Variants in TMEM238L observed in about 807,000 individuals in gnomAD.
The protein encoded by TMEM238L is transmembrane protein 238 like.
At chr17:10,796,065 C>A (rs1258079756) in intron 1 of TMEM238L, 117 bp from the exon 2 acceptor site, 2 of 152,192 alleles carry the variant, frequency 1.3e-5, no homozygotes, top group African/African-American at 4.8e-5. Flanking sequence ...AGGTTTGAAT[C>A]CTAGAGCAGC....
intron 1 of TMEM238L, among the ~76,000 whole-genome samples, chr17:10,800,414 A>G (rs1386211340): frequency 1.3e-5 from 2 of 152,222 alleles, no homozygotes; most frequent in African/African-American, 2.4e-5. Context: ...TAAAGAATAC[A>G]ATAAAGAACA....
At chr17:10,803,746 G>T in exon 1 of TMEM238L, 1 of 399,664 alleles carries the variant, frequency 2.5e-6, no homozygotes, top group South Asian at 1.3e-4. Flanking sequence ...TTTTTCAGGA[G>T]ACACCTCAAT....
chr17:10,802,937 C>G (rs1414107312), intron 1 of TMEM238L, among the ~76,000 whole-genome samples: 1 of 152,172 alleles, frequency 6.6e-6, no homozygotes, highest in East Asian at 1.9e-4. Context: ...ACTGTCTTGA[C>G]TTCTGGGCCT....
chr17:10,803,571 G>A (rs1904811628), intron 1 of TMEM238L, 35 bp downstream of exon 1: 2 of 395,058 alleles, frequency 5.1e-6, no homozygotes, highest in Non-Finnish European at 8.9e-6. Flanking sequence ...AAGCCTCTCT[G>A]GCCACCCTGC....
At chr17:10,797,488 T>C (rs1904599637) in intron 1 of TMEM238L, among the ~76,000 whole-genome samples, 1 of 148,368 alleles carries the variant, frequency 6.7e-6, no homozygotes. Context: ...CACATGTCTC[T>C]AACCCCTAAC....
rs919620374 is a variant in TMEM238L at position 10,797,354 on chromosome 17, C to T, written c.*119-1406G>A. Among the ~76,000 whole-genome samples the T allele has an allele frequency of 4.8e-5, 7 of 146,818 alleles. No homozygotes were observed. In the South Asian group the frequency reaches 1.2e-3, roughly 24 times the overall value. ...GTTCTTTTCTCCTTTCTTCCTCCCC[C>T]CTTTCCTTCCCTCTCACCCTCCCTC... On this transcript the variant is annotated intron_variant, in intron 1 of 1. Coordinates refer to ENST00000581851, the Ensembl canonical transcript of TMEM238L.
At chr17:10,800,195 G>A (rs1904694981) in intron 1 of TMEM238L, among the ~76,000 whole-genome samples, 1 of 152,146 alleles carries the variant, frequency 6.6e-6, no homozygotes, top group East Asian at 1.9e-4. Context: ...GCCTCCCAAA[G>A]TGCTGGGATT....
intron 1 of TMEM238L, chr17:10,798,024 CA>C (rs1166224199): frequency 6.6e-6 from 1 of 152,220 alleles, no homozygotes; most frequent in African/African-American, 2.4e-5. Flanking sequence ...CTCCAACCCC[CA>C]GGCAAATGTG....
At chr17:10,803,847 G>T in exon 1 of TMEM238L, 1 of 399,438 alleles carries the variant, frequency 2.5e-6, no homozygotes, top group South Asian at 1.3e-4. Context: ...AACTCAGGGG[G>T]GCCAAGATCC....
At chr17:10,795,271 A>C (rs7211234) in exon 2 of TMEM238L, 1 of 152,064 alleles carries the variant, frequency 6.6e-6, no homozygotes, top group African/African-American at 2.4e-5. Flanking sequence ...AATGCACGGG[A>C]GATTTCAGTT....
intron 1 of TMEM238L, chr17:10,802,348 T>C (rs1444504538): frequency 6.6e-6 from 1 of 152,214 alleles, no homozygotes; most frequent in Non-Finnish European, 1.5e-5. Flanking sequence ...GCCTTATCTC[T>C]TTTCGATCCT....
At chr17:10,798,110 C>T (rs139822531) in intron 1 of TMEM238L, among the ~76,000 whole-genome samples, 1 of 151,964 alleles carries the variant, frequency 6.6e-6, no homozygotes, top group East Asian at 2.0e-4. Flanking sequence ...TGCCCCCTAC[C>T]CACCACCCAC....
chr17:10,798,569 G>A (rs1353500929), intron 1 of TMEM238L, among the ~76,000 whole-genome samples: 1 of 152,160 alleles, frequency 6.6e-6, no homozygotes, highest in Admixed American at 6.5e-5. Flanking sequence ...AAGGCTGTTA[G>A]CCTTTTGGCT....
rs1597577880 is a variant in TMEM238L at position 10,798,764 on chromosome 17, G to A, written c.*119-2816C>T. ...GCATGAACACGTGGAGTAGAAGAGG[G>A]ATGTGTGTGTACGTGTGTGGGGTGT... On this transcript the variant is annotated intron_variant, in intron 1 of 1. Coordinates refer to ENST00000581851, the Ensembl canonical transcript of TMEM238L. Among the ~76,000 whole-genome samples, 3 of 152,044 alleles carry A rather than the reference G, an allele frequency of 2.0e-5. No individual in the cohort carries two copies. The South Asian group carries it at 6.2e-4, about 32-fold the overall frequency.
At chr17:10,801,059 T>C (rs1904727515) in intron 1 of TMEM238L, among the ~76,000 whole-genome samples, 2 of 151,912 alleles carry the variant, frequency 1.3e-5, no homozygotes, top group Admixed American at 1.3e-4. Context: ...TACTGTTTTT[T>C]TTTTTTTTTG....
chr17:10,798,531 G>A (rs1904629416), intron 1 of TMEM238L, among the ~76,000 whole-genome samples: 1 of 152,162 alleles, frequency 6.6e-6, no homozygotes, highest in African/African-American at 2.4e-5. Flanking sequence ...AGTCGAAGTG[G>A]AGGAACAAGT....
intron 1 of TMEM238L, among the ~76,000 whole-genome samples, chr17:10,800,540 C>T (rs763132866): frequency 1.9e-4 from 29 of 152,308 alleles, no homozygotes; most frequent in South Asian, 8.3e-4. Context: ...TAGAACTGAT[C>T]GTAATGCGTC....
chr17:10,796,234 C>T (rs1272257985), intron 1 of TMEM238L, among the ~76,000 whole-genome samples: 1 of 152,188 alleles, frequency 6.6e-6, no homozygotes, highest in Non-Finnish European at 1.5e-5. Flanking sequence ...TCAAGATTCT[C>T]ATCAAATCTT....
intron 1 of TMEM238L, among the ~76,000 whole-genome samples, chr17:10,799,600 TGA>T (rs1287122850): frequency 1.1e-4 from 16 of 152,178 alleles, no homozygotes; most frequent in Admixed American, 2.6e-4. Flanking sequence ...GCTCTGAGAA[TGA>T]GAGAGCTGGC....
Sources: gnomAD v4.1 joint callset for allele counts (sites outside exome capture counted in the v4.1 genomes callset) on GRCh38, gnomAD v4.1.1 for gene constraint, MANE v1.5 for transcripts, NCBI Gene and HGNC (gene_info 2026-07-23, HGNC 2026-07-21) for gene names.